Variants in EZH1 observed in about 807,000 individuals in gnomAD.
The protein encoded by EZH1 is histone-lysine N-methyltransferase EZH1.
Under a neutral mutation model 100.5 loss-of-function variants are expected in EZH1, and 33 were observed. The ratio of observed to expected loss-of-function variants is 0.33; its 90% CI spans 0.25 to 0.44. The LOEUF (loss-of-function observed/expected upper bound fraction) is 0.44, where lower values mean the gene tolerates loss of function less well. Ranked by LOEUF, EZH1 falls within the 20% of genes least tolerant of loss-of-function variation. EZH1 has a pLI of 1.00. For synonymous variants in EZH1, 272 were observed against 313.8 expected (o/e 0.87, Z 1.41); for missense variants, 475 against 928.4 (o/e 0.51, Z 6.35).
rs755733261 is a variant in EZH1 at position 42,705,218 on chromosome 17, G to T, written c.1840-35C>A. 4 of 1,358,562 alleles carry T rather than the reference G, an allele frequency of 2.9e-6. No homozygotes were observed. In the East Asian group the frequency reaches 6.9e-5, roughly 23 times the overall value. The allele number at this position is 1,358,562 out of a possible 1,614,324, so 84.2% of individuals were successfully genotyped here. On this transcript the variant is annotated intron_variant, in intron 16 of 20. Transcript: ENST00000428826. ...AGGGGGCCAAGTCTCAGACTACAGG[G>T]TGTGCATGAGTAGGGGGTGTGTGCT...
At position 42,730,890 on chromosome 17, in the gene EZH1, C is replaced by G; in HGVS notation, c.-74G>C. 1 of 985,416 alleles carries G rather than the reference C, an allele frequency of 1.0e-6. No homozygotes were observed. The highest frequency in any genetic ancestry group is 1.7e-5 in the African/African-American group (1 of 57,316). 61.0% of individuals were successfully genotyped at this position (985,416 alleles called of 1,614,324 possible). A position where few individuals can be genotyped will look rare whatever the true frequency, so the allele number is the denominator to read the frequency against. On this transcript the variant is annotated 5_prime_UTR_variant, in exon 2 of 21. Transcript: ENST00000428826. ...GTGCCTCTGTTCTTCAGGAGAATGG[C>G]AGGACACAACAGCAGAACAGGTGTC...
intron 7 of EZH1, among the ~76,000 whole-genome samples, chr17:42,720,035 T>C (rs2143794533): frequency 6.6e-6 from 1 of 152,358 alleles, no homozygotes; most frequent in East Asian, 1.9e-4. Context: ...ATGATCCCAA[T>C]TTCACATGAG....
At chr17:42,724,104 C>T (rs571482404) in intron 5 of EZH1, among the ~76,000 whole-genome samples, 1 of 152,248 alleles carries the variant, frequency 6.6e-6, no homozygotes, top group South Asian at 2.1e-4. Flanking sequence ...CCAAAGCACA[C>T]ATCAGAGAGC....
intron 1 of EZH1, among the ~76,000 whole-genome samples, chr17:42,740,241 ATCT>A: frequency 6.8e-6 from 1 of 147,558 alleles, no homozygotes; most frequent in Non-Finnish European, 1.5e-5. Context: ...TGGAGACAAG[ATCT>A]TTTTTTTTTT....
intron 1 of EZH1, among the ~76,000 whole-genome samples, chr17:42,735,111 A>C (rs1201609343): frequency 6.6e-6 from 1 of 152,170 alleles, no homozygotes; most frequent in Non-Finnish European, 1.5e-5. Context: ...AAGTAATGGA[A>C]TAGAACATAA....
intron 4 of EZH1, 36 bp downstream of exon 4, chr17:42,727,599 A>T: frequency 6.3e-7 from 1 of 1,588,708 alleles, no homozygotes; most frequent in Admixed American, 1.8e-5. Flanking sequence ...AAGCCCAAGG[A>T]AGAGAGGAAG....
chr17:42,740,516 G>A (rs113794967), intron 1 of EZH1, among the ~76,000 whole-genome samples: 17 of 152,242 alleles, frequency 1.1e-4, no homozygotes, highest in Middle Eastern at 3.4e-3. Flanking sequence ...GATTACAGGC[G>A]TGAGCCACTA....
Position 42,706,730 on chromosome 17 carries a change from A to G in EZH1, c.1661-545T>C, listed in dbSNP as rs1435339445. ...TGAAAAAAAAAGCAGGTATACTAATAAGAAGTGTCCCCTAGAGATTCCCCA... is the reference window on the plus strand; with the variant it reads ...TGAAAAAAAAAGCAGGTATACTAATGAGAAGTGTCCCCTAGAGATTCCCCA... On this transcript the variant is annotated intron_variant, in intron 15 of 20. Transcript: ENST00000428826. This position sits in a 1 kb window ranked among gnomAD's most constrained non-coding sequence, Gnocchi z 4.4. 6.6e-6 allele frequency among the ~76,000 whole-genome samples: 1 copy of G among 152,052 alleles called. No homozygotes were observed. Among genetic ancestry groups the G allele is most frequent in the Non-Finnish European group, 1.5e-5 (1 of 68,010 alleles).
chr17:42,700,545 TGG>T lies in EZH1; in HGVS notation c.*1985_*1986del, dbSNP rs906851035. 4 of 152,164 alleles carry T rather than the reference TGG, an allele frequency of 2.6e-5. No individual in the cohort carries two copies. Among genetic ancestry groups the T allele is most frequent in the African/African-American group, 9.7e-5 (4 of 41,336 alleles). The allele number at this position is 152,164 out of a possible 1,614,324, so 9.4% of individuals were successfully genotyped here. A position where few individuals can be genotyped will look rare whatever the true frequency, so the allele number is the denominator to read the frequency against. On this transcript the variant is annotated 3_prime_UTR_variant, in exon 21 of 21. Coordinates refer to ENST00000428826, the MANE Select transcript of EZH1 (RefSeq NM_001991.5). Reference sequence around the variant, plus strand: ...GTGATTCTGCTCACTGAAGGAAGGGTGGGGTCAGTCTAGTCTCTCAAAGGCTG... The same window carrying T: ...GTGATTCTGCTCACTGAAGGAAGGGTGGTCAGTCTAGTCTCTCAAAGGCTG...
chr17:42,719,341 G>T, intron 7 of EZH1, 134 bp from the exon 8 acceptor site: 1 of 686,468 alleles, frequency 1.5e-6, no homozygotes, highest in Non-Finnish European at 2.6e-6. Context: ...ATTGTTTGGA[G>T]ATATATAAAC....
chr17:42,727,232 CTTAT>C (rs1429302834), intron 4 of EZH1, among the ~76,000 whole-genome samples: 3 of 152,026 alleles, frequency 2.0e-5, no homozygotes, highest in Non-Finnish European at 4.4e-5. Context: ...TAACCTTAAC[CTTAT>C]TTATTTATTT....
chr17:42,744,644 T>C (rs952203308), intron 1 of EZH1, among the ~76,000 whole-genome samples: 48 of 152,100 alleles, frequency 3.2e-4, no homozygotes, highest in African/African-American at 1.1e-3. Flanking sequence ...TCCACCTCGC[T>C]AAAGGCCCCC....
At chr17:42,737,560 T>C (rs2054089771) in intron 1 of EZH1, among the ~76,000 whole-genome samples, 1 of 152,302 alleles carries the variant, frequency 6.6e-6, no homozygotes, top group South Asian at 2.1e-4. Flanking sequence ...AAGCTGTGAC[T>C]GCGCCATTGC....
Position 42,724,372 on chromosome 17 carries a change from C to T in EZH1, c.299G>A (p.Arg100Lys). ...AACCAATGCAACTGTGTTCAGTGAC[C>T]TCATTAACATATGTTGGCTTGCAAA... ...PGFASQHMLM[R>K]SLNTVALVPI... Residue 100 changes from arginine (R) to lysine (K), a missense_variant, in exon 5 of 21, where the codon AGG becomes AAG. By Grantham distance (26) the Arg-to-Lys change is conservative. Around this residue, in one of 8 missense-constraint regions of EZH1, gnomAD observed 105 missense variants for 129.8 expected, o/e 0.81. Coordinates refer to ENST00000428826, the MANE Select transcript of EZH1 (RefSeq NM_001991.5). 2 of 1,614,064 alleles carry T rather than the reference C, an allele frequency of 1.2e-6. No individual in the cohort carries two copies. The highest frequency in any genetic ancestry group is 2.2e-5 in the East Asian group (1 of 44,884).
intron 1 of EZH1, among the ~76,000 whole-genome samples, chr17:42,740,979 A>G (rs905728833): frequency 6.6e-6 from 1 of 152,250 alleles, no homozygotes; most frequent in Non-Finnish European, 1.5e-5. Context: ...GTTTGGACAT[A>G]AAACAAAACA....
intron 1 of EZH1, among the ~76,000 whole-genome samples, chr17:42,733,741 A>G (rs2143860150): frequency 6.6e-6 from 1 of 151,540 alleles, no homozygotes; most frequent in South Asian, 2.1e-4. Flanking sequence ...AGAGATTGAG[A>G]CCAGCCTGGC....
chr17:42,732,643 C>A (rs946309267), intron 1 of EZH1, among the ~76,000 whole-genome samples: 1 of 152,154 alleles, frequency 6.6e-6, no homozygotes, highest in African/African-American at 2.4e-5. Context: ...TGGCGGGCGC[C>A]TGTAGTCCCA....
Position 42,707,951 on chromosome 17 carries a change from C to T in EZH1, c.1660+7G>A, listed in dbSNP as rs757876464. The T allele has an allele frequency of 1.2e-6, 2 of 1,613,452 alleles. No homozygotes were observed. The highest frequency in any genetic ancestry group is 2.7e-5 in the African/African-American group (2 of 74,798). Reference sequence around the variant, plus strand: ...GGTAGACTATACAGAAAACGTAGCACACTTACAGTCTGGGTTGCACTGGCA... The same window carrying T: ...GGTAGACTATACAGAAAACGTAGCATACTTACAGTCTGGGTTGCACTGGCA... On this transcript the variant is annotated splice_region_variant and intron_variant, in intron 15 of 20. Coordinates refer to ENST00000428826, the MANE Select transcript of EZH1 (RefSeq NM_001991.5).
At position 42,718,313 on chromosome 17, in the gene EZH1, C is replaced by G; in HGVS notation, c.931+141G>C. 3.4e-6 allele frequency: 4 copies of G among 1,165,712 alleles called. No homozygotes were observed. Among genetic ancestry groups the G allele is most frequent in the Non-Finnish European group, 4.8e-6 (4 of 839,784 alleles). The allele number at this position is 1,165,712 out of a possible 1,614,324, so 72.2% of individuals were successfully genotyped here. A position where few individuals can be genotyped will look rare whatever the true frequency, so the allele number is the denominator to read the frequency against. ...CAAAGCATGTTGCACTATAATTGAG[C>G]AAGGGAAAATAGAACTGGCCCTTTG... On this transcript the variant is annotated intron_variant, in intron 9 of 20. Transcript: ENST00000428826. The surrounding 1 kb of genome is among the most constrained non-coding windows in gnomAD (Gnocchi z 4.2).
Sources: gnomAD v4.1 joint callset for allele counts (sites outside exome capture counted in the v4.1 genomes callset) on GRCh38, gnomAD v4.1.1 for gene constraint, gnomAD v4.1.1 regional missense constraint, Gnocchi (gnomAD v3.1) non-coding constraint, MANE v1.5 for transcripts, NCBI Gene and HGNC (gene_info 2026-07-23, HGNC 2026-07-21) for gene names.